The following CGGBP1 variants were observed in gnomAD, a reference collection of about 807,000 sequenced individuals.
The protein encoded by CGGBP1 is CGG triplet repeat binding protein 1.
In CGGBP1, 4 loss-of-function variants were observed where a neutral mutation model predicts 11.4. The ratio of observed to expected loss-of-function variants is 0.35; its 90% CI spans 0.17 to 0.80. The LOEUF (loss-of-function observed/expected upper bound fraction) is 0.80, where lower values mean the gene tolerates loss of function less well. Among genes scored for constraint, CGGBP1 ranks in the 30% least tolerant of loss-of-function variants. The pLI, the probability that CGGBP1 is intolerant of heterozygous loss-of-function variation, is 0.52. For synonymous variants in CGGBP1, 76 were observed against 74.1 expected (o/e 1.03, Z -0.13); for missense variants, 135 against 202.1 (o/e 0.67, Z 2.01).
intron 2 of CGGBP1, among the ~76,000 whole-genome samples, chr3:88,080,583 A>T (rs1708026927): frequency 6.6e-6 from 1 of 152,128 alleles, no homozygotes; most frequent in Non-Finnish European, 1.5e-5. Flanking sequence ...CTGGAATTCA[A>T]ACCTAGGTCT....
At chr3:88,113,431 G>A (rs1705210101) in intron 2 of CGGBP1, among the ~76,000 whole-genome samples, 2 of 152,136 alleles carry the variant, frequency 1.3e-5, no homozygotes, top group South Asian at 4.1e-4. Flanking sequence ...TTAGAAAAGA[G>A]CCTGCTACCA....
intron 2 of CGGBP1, among the ~76,000 whole-genome samples, chr3:88,091,907 C>T (rs527824280): frequency 1.9e-4 from 29 of 152,282 alleles, no homozygotes; most frequent in South Asian, 1.2e-3. Context: ...GACCCAGTCT[C>T]GGGTATTTCT....
At chr3:88,120,873 A>T (rs1705729600) in intron 2 of CGGBP1, among the ~76,000 whole-genome samples, 1 of 152,118 alleles carries the variant, frequency 6.6e-6, no homozygotes, top group African/African-American at 2.4e-5. Flanking sequence ...TGATATAGTA[A>T]TTCAAAGTCT....
intron 2 of CGGBP1, among the ~76,000 whole-genome samples, chr3:88,071,002 G>A (rs190518195): frequency 1.0e-3 from 155 of 152,174 alleles, no homozygotes; most frequent in Admixed American, 3.8e-3. Context: ...GATATAAAAC[G>A]TAGGTAGAGA....
chr3:88,139,799 TGAA>T (rs771283678), intron 2 of CGGBP1: 32 of 1,556,734 alleles, frequency 2.1e-5, no homozygotes, highest in African/African-American at 4.1e-5. Context: ...AAGGTGATTA[TGAA>T]GAAGATGATT....
At chr3:88,067,209 T>G (rs1202680756) in intron 2 of CGGBP1, among the ~76,000 whole-genome samples, 1 of 152,222 alleles carries the variant, frequency 6.6e-6, no homozygotes, top group Non-Finnish European at 1.5e-5. Flanking sequence ...GTAAGTGCTA[T>G]GAAGAAAAGA....
chr3:88,073,934 G>A (rs1026810304), intron 2 of CGGBP1, among the ~76,000 whole-genome samples: 2 of 151,960 alleles, frequency 1.3e-5, no homozygotes, highest in Non-Finnish European at 2.9e-5. Flanking sequence ...AAGAGTATAC[G>A]GCTTTTTAAG....
chr3:88,068,903 AT>A (rs1433753830), intron 2 of CGGBP1, among the ~76,000 whole-genome samples: 3 of 152,144 alleles, frequency 2.0e-5, no homozygotes, highest in Non-Finnish European at 4.4e-5. Context: ...CTGCAGTGCA[AT>A]ACAATACATT....
Position 88,054,173 on chromosome 3 carries a change from T to C in CGGBP1, c.*1300A>G, listed in dbSNP as rs1706489192. The C allele has an allele frequency of 6.6e-6, 1 of 152,618 alleles. No individual in the cohort carries two copies. Among genetic ancestry groups the C allele is most frequent in the Non-Finnish European group, 1.5e-5 (1 of 68,016 alleles). 9.5% of individuals were successfully genotyped at this position (152,618 alleles called of 1,614,324 possible). A position where few individuals can be genotyped will look rare whatever the true frequency, so the allele number is the denominator to read the frequency against. Reference sequence around the variant, plus strand: ...CTGCTTTGTAATAGAAATATATAAGTATTTTTAACTTGAATTTCAAAGAAT... The same window carrying C: ...CTGCTTTGTAATAGAAATATATAAGCATTTTTAACTTGAATTTCAAAGAAT... On this transcript the variant is annotated 3_prime_UTR_variant, in exon 4 of 4. Transcript: ENST00000482016.
At chr3:88,101,498 T>C (rs1704425214) in intron 2 of CGGBP1, among the ~76,000 whole-genome samples, 1 of 152,190 alleles carries the variant, frequency 6.6e-6, no homozygotes, top group South Asian at 2.1e-4. Context: ...GTTCTTGAGG[T>C]TTACCTATGT....
intron 2 of CGGBP1, among the ~76,000 whole-genome samples, chr3:88,136,996 ACCAGT>A (rs1706826627): frequency 6.6e-6 from 1 of 152,076 alleles, no homozygotes; most frequent in Non-Finnish European, 1.5e-5. Context: ...GAAGTTCAAG[ACCAGT>A]CTGGCCAACA....
chr3:88,133,162 T>G (rs1706566515), intron 2 of CGGBP1, among the ~76,000 whole-genome samples: 1 of 152,092 alleles, frequency 6.6e-6, no homozygotes, highest in South Asian at 2.1e-4. Flanking sequence ...GCCCCTGAAT[T>G]AATATCTGAA....
At chr3:88,118,139 C>CGTTA (rs1705524426) in intron 2 of CGGBP1, among the ~76,000 whole-genome samples, 1 of 152,090 alleles carries the variant, frequency 6.6e-6, no homozygotes, top group Admixed American at 6.6e-5. Flanking sequence ...CCTGCCCTGA[C>CGTTA]GTTAGAGAAA....
chr3:88,089,153 T>TTGATTA (rs1336825829), intron 2 of CGGBP1, among the ~76,000 whole-genome samples: 2 of 151,712 alleles, frequency 1.3e-5, no homozygotes, highest in African/African-American at 4.8e-5. Flanking sequence ...TTTGAACTTT[T>TTGATTA]TGATTATACC....
At chr3:88,112,016 G>C (rs900099094) in intron 2 of CGGBP1, among the ~76,000 whole-genome samples, 9 of 151,760 alleles carry the variant, frequency 5.9e-5, no homozygotes, top group African/African-American at 2.2e-4. Flanking sequence ...CTAACTTCTA[G>C]AAGCATTTAA....
intron 2 of CGGBP1, among the ~76,000 whole-genome samples, chr3:88,088,761 T>TATGGATGG (rs931246026): frequency 1.5e-3 from 187 of 126,484 alleles, no homozygotes; most frequent in South Asian, 9.6e-3. Flanking sequence ...TGTATGTATG[T>TATGGATGG]ATGGATGGAT....
intron 2 of CGGBP1, among the ~76,000 whole-genome samples, chr3:88,101,292 C>T (rs557900109): frequency 1.1e-4 from 17 of 152,194 alleles, no homozygotes; most frequent in African/African-American, 3.4e-4. Context: ...CAGTGCCTAC[C>T]CAGCTCAAGG....
intron 2 of CGGBP1, among the ~76,000 whole-genome samples, chr3:88,112,641 G>A (rs554713287): frequency 6.6e-6 from 1 of 152,086 alleles, no homozygotes; most frequent in East Asian, 1.9e-4. Flanking sequence ...TAATATAAAT[G>A]TTGGCCGAGA....
upstream of CGGBP1, among the ~76,000 whole-genome samples, chr3:88,060,379 T>C (rs147125856): frequency 6.6e-6 from 1 of 152,340 alleles, no homozygotes; most frequent in Non-Finnish European, 1.5e-5. Context: ...CCTACTTTTT[T>C]AGGGGTAAAG....
Sources: gnomAD v4.1 joint callset for allele counts (sites outside exome capture counted in the v4.1 genomes callset) on GRCh38, gnomAD v4.1.1 for gene constraint, MANE v1.5 for transcripts, NCBI Gene and HGNC (gene_info 2026-07-23, HGNC 2026-07-21) for gene names.